Variants in MRO observed in about 807,000 individuals in gnomAD.
MRO encodes the protein protein maestro.
MRO carries 28 observed loss-of-function variants against 31.0 expected under a neutral mutation model. The observed-to-expected ratio is 0.90, with a 90% confidence interval of 0.67 to 1.24. The LOEUF is 1.24. Among genes scored for constraint, MRO ranks in the 50% most tolerant of loss-of-function variants. MRO has a pLI of 0.00. For missense variants in MRO, 332 were observed against 289.2 expected, an observed-to-expected ratio of 1.15 and a Z score of -1.07; for synonymous variants, 108 against 108.4, an observed-to-expected ratio of 1.00 and a Z score of 0.02.
At chr18:50,817,601 T>TGTGGGGCCTGAGCATTGCACTTTTTGTAA (rs1915037752) in intron 2 of MRO, among the ~76,000 whole-genome samples, 1 of 152,186 alleles carries the variant, frequency 6.6e-6, no homozygotes, top group African/African-American at 2.4e-5. Context: ...ACTTTTTGTA[T>TGTGGGGCCTGAGCATTGCACTTTTTGTAA]GTGGTGCCTG....
upstream of MRO, among the ~76,000 whole-genome samples, chr18:50,821,013 T>C (rs1173748657): frequency 6.6e-6 from 1 of 151,574 alleles, no homozygotes; most frequent in Non-Finnish European, 1.5e-5. Flanking sequence ...TTCAATAGAG[T>C]GACAGAGAAA....
rs971938223 is a variant in MRO, at chr18:50,796,220, T to C, written c.*3117A>G. The C allele has an allele frequency of 6.6e-6, 1 of 152,092 alleles. No homozygotes were observed. The highest frequency in any genetic ancestry group is 1.9e-4 in the East Asian group (1 of 5,184). The allele number at this position is 152,092 out of a possible 1,614,324, so 9.4% of individuals were successfully genotyped here. A position where few individuals can be genotyped will look rare whatever the true frequency, so the allele number is the denominator to read the frequency against. On this transcript the variant is annotated 3_prime_UTR_variant, in exon 8 of 8. Coordinates refer to ENST00000398439, the MANE Select transcript of MRO (RefSeq NM_031939.6). ...TGTACATTGGTTATAAGGAATGAAATTGGTGACCCTCATTTGTCAAAATGG... is the reference window on the plus strand; with the variant it reads ...TGTACATTGGTTATAAGGAATGAAACTGGTGACCCTCATTTGTCAAAATGG...
intron 6 of MRO, among the ~76,000 whole-genome samples, chr18:50,800,639 C>A (rs954986146): frequency 6.6e-6 from 1 of 152,110 alleles, no homozygotes; most frequent in African/African-American, 2.4e-5. Flanking sequence ...AATCCCAACA[C>A]CTTGGGAGGC....
chr18:50,817,507 A>AAATAATAAT (rs146819528), intron 2 of MRO, among the ~76,000 whole-genome samples: 1 of 151,344 alleles, frequency 6.6e-6, no homozygotes, highest in African/African-American at 2.4e-5. Context: ...AAATAAAAAT[A>AAATAATAAT]AATAATAATA....
At chr18:50,805,451 T>C in intron 4 of MRO, 115 bp from the exon 5 acceptor site, 1 of 781,040 alleles carries the variant, frequency 1.3e-6, no homozygotes, top group Non-Finnish European at 2.0e-6. Context: ...ACACCAGGGC[T>C]TTTTTCAAGA....
intron 2 of MRO, among the ~76,000 whole-genome samples, chr18:50,817,520 A>G: frequency 6.9e-6 from 1 of 145,822 alleles, no homozygotes; most frequent in Non-Finnish European, 1.5e-5. Context: ...TAATAATAAT[A>G]ACAATAAACT....
At chr18:50,799,455 T>A in intron 7 of MRO, 65 bp from the exon 8 acceptor site, 1 of 1,358,782 alleles carries the variant, frequency 7.4e-7, no homozygotes, top group Non-Finnish European at 1.1e-6. Flanking sequence ...ACAATGTAAC[T>A]AGTAGGCAGT....
chr18:50,809,654 ATTTCT>A (rs1914298842), intron 2 of MRO, among the ~76,000 whole-genome samples: 1 of 152,148 alleles, frequency 6.6e-6, no homozygotes, highest in Admixed American at 6.5e-5. Flanking sequence ...CATTCTGCAG[ATTTCT>A]TTTATCACTG....
chr18:50,812,407 A>G (rs539571072), intron 2 of MRO, among the ~76,000 whole-genome samples: 2 of 152,340 alleles, frequency 1.3e-5, no homozygotes, highest in South Asian at 2.1e-4. Flanking sequence ...TATTCTGAAT[A>G]CTAGACTATT....
intron 5 of MRO, among the ~76,000 whole-genome samples, chr18:50,803,880 A>C (rs560187142): frequency 1.6e-4 from 25 of 152,334 alleles, no homozygotes; most frequent in Non-Finnish European, 3.1e-4. Flanking sequence ...GCTGTTCTGT[A>C]GGTCTTGTCT....
chr18:50,796,050 C>T lies in MRO; in HGVS notation c.*3287G>A, dbSNP rs777009799. The T allele has an allele frequency of 6.6e-6, 1 of 152,172 alleles. No homozygotes were observed. Among genetic ancestry groups the T allele is most frequent in the Non-Finnish European group, 1.5e-5 (1 of 68,016 alleles). 9.4% of individuals were successfully genotyped at this position (152,172 alleles called of 1,614,324 possible). A position where few individuals can be genotyped will look rare whatever the true frequency, so the allele number is the denominator to read the frequency against. On this transcript the variant is annotated 3_prime_UTR_variant, in exon 8 of 8. Transcript: ENST00000398439. Reference sequence around the variant, plus strand: ...ATGAGGGTCGGGGCACTTGAACATTCCTTTTTTCTTTCTTTCATTCAACTG... The same window carrying T: ...ATGAGGGTCGGGGCACTTGAACATTTCTTTTTTCTTTCTTTCATTCAACTG...
Position 50,809,868 on chromosome 18 carries a change from T to C in MRO, c.-4-464A>G, listed in dbSNP as rs4940020. Among the ~76,000 whole-genome samples, 2 of 152,108 alleles carry C rather than the reference T, an allele frequency of 1.3e-5. 1 individual carries two copies. The highest frequency in any genetic ancestry group is 3.9e-4 in the East Asian group (2 of 5,188). Reference sequence around the variant, plus strand: ...AGGCAATTCTTTAATCCTATAGATATGAACACATCATATGTTCAAAGATAT... The same window carrying C: ...AGGCAATTCTTTAATCCTATAGATACGAACACATCATATGTTCAAAGATAT... On this transcript the variant is annotated intron_variant, in intron 2 of 7. Transcript: ENST00000398439.
At position 50,799,270 on chromosome 18, in the gene MRO, A is replaced by T; in HGVS notation, c.*67T>A. The T allele has an allele frequency of 7.2e-7, 1 of 1,392,548 alleles. No homozygotes were observed. The highest frequency in any genetic ancestry group is 1.0e-6 in the Non-Finnish European group (1 of 978,474). 86.3% of individuals were successfully genotyped at this position (1,392,548 alleles called of 1,614,324 possible). A position where few individuals can be genotyped will look rare whatever the true frequency, so the allele number is the denominator to read the frequency against. On this transcript the variant is annotated 3_prime_UTR_variant, in exon 8 of 8. Coordinates refer to ENST00000398439, the MANE Select transcript of MRO (RefSeq NM_031939.6). Reference sequence around the variant, plus strand: ...GCAGTGAGAAGAGGCATCCAGTGAGATAAAACAGGGGAACATGATGGCTCA... The same window carrying T: ...GCAGTGAGAAGAGGCATCCAGTGAGTTAAAACAGGGGAACATGATGGCTCA...
intron 4 of MRO, among the ~76,000 whole-genome samples, chr18:50,805,756 C>T (rs148461882): frequency 2.0e-5 from 3 of 151,706 alleles, no homozygotes; most frequent in Non-Finnish European, 2.9e-5. Flanking sequence ...AAAAAAAAAT[C>T]ACTTAAATTC....
Position 50,809,413 on chromosome 18 carries a change from A to C in MRO, c.-4-9T>G. 1 of 1,580,842 alleles carries C rather than the reference A, an allele frequency of 6.3e-7. No individual in the cohort carries two copies. ...GTCTTTGGTCCATGGAACTAAAAAC[A>C]AAACAAAACAAAATCACATGCGCCA... On this transcript the variant is annotated splice_polypyrimidine_tract_variant and intron_variant, in intron 2 of 7. Transcript: ENST00000398439.
chr18:50,798,157 G>C lies in MRO; in HGVS notation c.*1180C>G, dbSNP rs1302502160. The C allele has an allele frequency of 6.6e-6, 1 of 152,182 alleles. No homozygotes were observed. The highest frequency in any genetic ancestry group is 1.5e-5 in the Non-Finnish European group (1 of 68,036). The allele number at this position is 152,182 out of a possible 1,614,324, so 9.4% of individuals were successfully genotyped here. On this transcript the variant is annotated 3_prime_UTR_variant, in exon 8 of 8. Coordinates refer to ENST00000398439, the MANE Select transcript of MRO (RefSeq NM_031939.6). ...CTATAGAAGCTTGGGATGCAATCTG[G>C]TTAGAGGGAGGGTGAGAGGGACTTA...
At chr18:50,824,401 A>G (rs888103859), upstream of MRO, among the ~76,000 whole-genome samples, 4 of 151,340 alleles carry the variant, frequency 2.6e-5, no homozygotes, top group Non-Finnish European at 5.9e-5. Flanking sequence ...TGATCATGCC[A>G]CTGCACTCCA....
At chr18:50,805,630 G>A (rs1328688116) in intron 4 of MRO, among the ~76,000 whole-genome samples, 1 of 152,138 alleles carries the variant, frequency 6.6e-6, no homozygotes, top group Admixed American at 6.5e-5. Flanking sequence ...CTCAGGGCCT[G>A]GGGAGAACTA....
intron 3 of MRO, among the ~76,000 whole-genome samples, chr18:50,808,549 C>T (rs1047631051): frequency 1.3e-5 from 2 of 151,048 alleles, no homozygotes; most frequent in African/African-American, 2.4e-5. Flanking sequence ...GCCCCTACTT[C>T]CTGGGCTCAA....
Sources: allele counts gnomAD v4.1 joint callset (sites outside exome capture counted in the v4.1 genomes callset), GRCh38; gene constraint gnomAD v4.1.1; transcripts MANE v1.5; gene names NCBI Gene and HGNC (gene_info 2026-07-23, HGNC 2026-07-21).